Variants in TBC1D30 observed in about 807,000 individuals in gnomAD.
The protein encoded by TBC1D30 is TBC1 domain family member 30.
TBC1D30 carries 31 observed loss-of-function variants against 63.2 expected under a neutral mutation model. That is an observed-to-expected ratio of 0.49 (90% CI 0.37 to 0.66). The LOEUF (loss-of-function observed/expected upper bound fraction) is 0.66. Ranked by LOEUF, TBC1D30 falls within the 30% of genes least tolerant of loss-of-function variation. The pLI is 0.00. For missense variants in TBC1D30, 810 were observed against 953.6 expected, an observed-to-expected ratio of 0.85 and a Z score of 1.98; for synonymous variants, 307 against 361.5, an observed-to-expected ratio of 0.85 and a Z score of 1.71.
At chr12:64,765,353 GT>G (rs1190055727) in intron 1 of TBC1D30, among the ~76,000 whole-genome samples, 2 of 151,682 alleles carry the variant, frequency 1.3e-5, no homozygotes, top group Non-Finnish European at 2.9e-5. Context: ...GCTGGGCATG[GT>G]GGCGGGTGCC....
At chr12:64,867,548 C>T (rs965862653) in intron 10 of TBC1D30, among the ~76,000 whole-genome samples, 21 of 152,106 alleles carry the variant, frequency 1.4e-4, no homozygotes, top group Admixed American at 1.4e-3. Context: ...TTATGTGTTG[C>T]ATGCGTAGTA....
intron 11 of TBC1D30, among the ~76,000 whole-genome samples, chr12:64,871,672 A>G (rs1324290829): frequency 6.6e-6 from 1 of 152,256 alleles, no homozygotes; most frequent in Non-Finnish European, 1.5e-5. Context: ...TTTAAGTTTC[A>G]AAAACATTGG....
At chr12:64,859,179 T>C (rs1038767295) in intron 8 of TBC1D30, among the ~76,000 whole-genome samples, 25 of 151,856 alleles carry the variant, frequency 1.6e-4, no homozygotes, top group African/African-American at 6.0e-4. Flanking sequence ...GAGAGTCAAT[T>C]TGTGTTTGAG....
At chr12:64,823,883 A>G (rs1214270236), upstream of TBC1D30, among the ~76,000 whole-genome samples, 1 of 152,172 alleles carries the variant, frequency 6.6e-6, no homozygotes, top group Non-Finnish European at 1.5e-5. Flanking sequence ...TCAGTTTTCC[A>G]TTCTTGTCTC....
intron 8 of TBC1D30, among the ~76,000 whole-genome samples, chr12:64,843,983 G>T (rs1460884871): frequency 6.6e-6 from 1 of 151,908 alleles, no homozygotes; most frequent in African/African-American, 2.4e-5. Context: ...TTGTATAGAT[G>T]GAGTCTTGTT....
At chr12:64,769,733 G>C (rs944116905) in intron 1 of TBC1D30, among the ~76,000 whole-genome samples, 1 of 151,920 alleles carries the variant, frequency 6.6e-6, no homozygotes, top group African/African-American at 2.4e-5. Flanking sequence ...TGTTGGCCAG[G>C]CTGGTCTCAA....
intron 8 of TBC1D30, among the ~76,000 whole-genome samples, chr12:64,857,973 T>C (rs1411312215): frequency 6.6e-6 from 1 of 152,214 alleles, no homozygotes; most frequent in Non-Finnish European, 1.5e-5. Flanking sequence ...TGCCAGGGGA[T>C]TGGGGAGGGG....
At chr12:64,774,895 C>A (rs1451751449) in intron 1 of TBC1D30, among the ~76,000 whole-genome samples, 1 of 151,918 alleles carries the variant, frequency 6.6e-6, no homozygotes, top group African/African-American at 2.4e-5. Flanking sequence ...GAGTTTGAGA[C>A]CAGTCTGGGC....
chr12:64,862,651 A>G (rs1028909708), intron 8 of TBC1D30, among the ~76,000 whole-genome samples: 5 of 152,324 alleles, frequency 3.3e-5, no homozygotes, highest in African/African-American at 1.2e-4. Context: ...CAGGTGAAAC[A>G]TTAGCTCATC....
In TBC1D30 at chr12:64,840,966, C is replaced by T. The variant is rs144604545; in HGVS notation, c.932+2115C>T. Among the ~76,000 whole-genome samples, 524 of 152,326 alleles carry T rather than the reference C, an allele frequency of 3.4e-3. 4 individuals carry two copies. Among genetic ancestry groups the T allele is most frequent in the South Asian group, 7.1e-3 (34 of 4,818 alleles). ...GTTAGGCAGTTTAAACACATCATCT[C>T]ATTCAGTTCTCCCAATAACCCTGTG... is the stretch of plus-strand genomic sequence containing the variant. On this transcript the variant is annotated intron_variant, in intron 7 of 11. Coordinates refer to ENST00000539867, the MANE Select transcript of TBC1D30 (RefSeq NM_015279.2).
chr12:64,875,192 C>G lies in TBC1D30; in HGVS notation c.1690C>G (p.Pro564Ala). 3 of 1,536,396 alleles carry G rather than the reference C, an allele frequency of 2.0e-6. No homozygotes were observed. The highest frequency in any genetic ancestry group is 8.7e-7 in the Non-Finnish European group (1 of 1,146,910). Residue 564 changes from proline to alanine, a missense_variant, in exon 12 of 12, where the codon CCG (proline) becomes GCG (alanine). By Grantham distance (27) the Pro-to-Ala change is conservative. Coordinates refer to ENST00000539867, the MANE Select transcript of TBC1D30 (RefSeq NM_015279.2). ...YEDLKTKLNS[P>A]WRTHIRVHKK... is the part of the protein sequence containing the mutation. ...AGACCTTAAGACGAAGCTCAACTCC[C>G]CGTGGCGAACTCACATCCGAGTCCA...
At chr12:64,772,084 GTC>G (rs1184801961) in intron 1 of TBC1D30, among the ~76,000 whole-genome samples, 1 of 151,936 alleles carries the variant, frequency 6.6e-6, no homozygotes. Context: ...GAGAAACCCT[GTC>G]TCTACTGAAA....
chr12:64,804,405 T>C (rs1023004419), intron 2 of TBC1D30, among the ~76,000 whole-genome samples: 3 of 152,190 alleles, frequency 2.0e-5, no homozygotes, highest in African/African-American at 7.2e-5. Flanking sequence ...TGATGGGGTT[T>C]TCTAAATATA....
chr12:64,822,675 C>CTTTT (rs4045050), upstream of TBC1D30, among the ~76,000 whole-genome samples: 9 of 135,656 alleles, frequency 6.6e-5, no homozygotes, highest in East Asian at 4.3e-4. Flanking sequence ...ATTTTTGTAG[C>CTTTT]TTTTTTTTTT....
chr12:64,816,250 C>T (rs749434917), intron 2 of TBC1D30, among the ~76,000 whole-genome samples: 3 of 152,054 alleles, frequency 2.0e-5, no homozygotes, highest in Non-Finnish European at 4.4e-5. Flanking sequence ...CCAGGCTGGT[C>T]TCGAATTCCT....
At chr12:64,787,149 A>G (rs893335340) in intron 2 of TBC1D30, among the ~76,000 whole-genome samples, 3 of 152,296 alleles carry the variant, frequency 2.0e-5, no homozygotes, top group African/African-American at 7.2e-5. Context: ...TAGCAAATGT[A>G]ACCTATCTCT....
chr12:64,833,307 G>A (rs1875035381), intron 5 of TBC1D30, among the ~76,000 whole-genome samples: 1 of 152,128 alleles, frequency 6.6e-6, no homozygotes, highest in Non-Finnish European at 1.5e-5. Flanking sequence ...ATGTTGAGAT[G>A]GGGCACTAGT....
chr12:64,870,524 G>C, intron 10 of TBC1D30, 78 bp from the exon 11 acceptor site: 1 of 1,168,434 alleles, frequency 8.6e-7, no homozygotes. Context: ...ACCGCACTGA[G>C]TTGTAGTGTT....
chr12:64,828,592 C>T, intron 3 of TBC1D30, 83 bp downstream of exon 3: 2 of 907,782 alleles, frequency 2.2e-6, no homozygotes, highest in African/African-American at 1.7e-5. Flanking sequence ...AAAATATATT[C>T]TAGGTTTAGT....
Sources: allele counts gnomAD v4.1 joint callset (sites outside exome capture counted in the v4.1 genomes callset), GRCh38; gene constraint gnomAD v4.1.1; transcripts MANE v1.5; gene names NCBI Gene and HGNC (gene_info 2026-07-23, HGNC 2026-07-21).